OC90: variants seen among roughly 807,000 people sequenced by gnomAD.
OC90 encodes otoconin-90.
In OC90, 46 loss-of-function variants were observed where a neutral mutation model predicts 47.3. The observed-to-expected ratio is 0.97, with a 90% CI of 0.77 to 1.24. The LOEUF is 1.24. Among genes scored for constraint, OC90 ranks in the 50% most tolerant of loss-of-function variants. OC90 has a pLI of 0.00. For missense variants in OC90, 688 were observed against 583.9 expected (o/e 1.18, Z -1.84); for synonymous variants, 271 against 219.5 (o/e 1.23, Z -2.07).
At position 132,041,130 on chromosome 8, in the gene OC90, T is replaced by C. The variant is rs116946543; in HGVS notation, c.371A>G (p.Tyr124Cys). Residue 124 changes from tyrosine to cysteine, a missense_variant, in exon 6 of 14, where the codon TAT becomes TGT. Coordinates refer to ENST00000254627, the MANE Select transcript of OC90 (RefSeq NM_001080399.3). ...ACAGTCCATCTCAGCGGCCTCCTCA[T>C]AGCACCTGCGGTGCTGGAAGCAGCA... ...DSCCFQHRRC[Y>C]EEAAEMDCLQ... 459 of 1,613,602 alleles carry C rather than the reference T, an allele frequency of 2.8e-4. No individual in the cohort carries two copies. Among genetic ancestry groups the C allele is most frequent in the Admixed American group, 4.0e-4 (24 of 60,028 alleles).
chr8:132,038,991 C>T lies in OC90; in HGVS notation c.586+4G>A. The T allele has an allele frequency of 1.2e-6, 2 of 1,613,956 alleles. No individual in the cohort carries two copies. Among genetic ancestry groups the T allele is most frequent in the Non-Finnish European group, 1.7e-6 (2 of 1,179,860 alleles). On this transcript the variant is annotated splice_donor_region_variant and intron_variant, in intron 7 of 13. Coordinates refer to ENST00000254627, the MANE Select transcript of OC90 (RefSeq NM_001080399.3). ...CACGGCTGATGCAGCCAGGTTCTTC[C>T]TACCTGGAGTCTGAGCCAGGCAGAA...
At chr8:132,050,093 T>C (rs1280928046) in intron 2 of OC90, among the ~76,000 whole-genome samples, 9 of 152,200 alleles carry the variant, frequency 5.9e-5, no homozygotes, top group Non-Finnish European at 4.4e-5. Context: ...AAGCCTCATT[T>C]TTCTGTTGGA....
At chr8:132,038,189 T>G (rs1458457945) in intron 8 of OC90, among the ~76,000 whole-genome samples, 1 of 152,150 alleles carries the variant, frequency 6.6e-6, no homozygotes, top group Non-Finnish European at 1.5e-5. Context: ...TTTGGCAAGA[T>G]CTATATTTTA....
chr8:132,035,926 C>T (rs974094767), intron 9 of OC90, among the ~76,000 whole-genome samples: 1 of 152,256 alleles, frequency 6.6e-6, no homozygotes, highest in East Asian at 1.9e-4. Context: ...GATCACTGCT[C>T]GTTAACCAAA....
At chr8:132,044,753 G>C (rs990459956) in intron 3 of OC90, among the ~76,000 whole-genome samples, 1 of 152,170 alleles carries the variant, frequency 6.6e-6, no homozygotes, top group Non-Finnish European at 1.5e-5. Context: ...CAGGAATTAT[G>C]GGTGAACTAT....
chr8:132,043,597 T>C (rs1823086427), intron 4 of OC90, among the ~76,000 whole-genome samples: 1 of 152,180 alleles, frequency 6.6e-6, no homozygotes, highest in Admixed American at 6.5e-5. Context: ...AAGACGGAGC[T>C]TAAGGGCATC....
chr8:132,057,758 C>T (rs764635285), intron 1 of OC90, among the ~76,000 whole-genome samples: 2 of 152,256 alleles, frequency 1.3e-5, no homozygotes, highest in Non-Finnish European at 2.9e-5. Flanking sequence ...AGGTGTTCCA[C>T]TGAGCATGCC....
chr8:132,025,758 C>T (rs1173606105), intron 13 of OC90, among the ~76,000 whole-genome samples: 1 of 152,190 alleles, frequency 6.6e-6, no homozygotes, highest in Non-Finnish European at 1.5e-5. Flanking sequence ...GTACTTCTGT[C>T]TCTTGGCTGA....
intron 12 of OC90, among the ~76,000 whole-genome samples, chr8:132,031,388 A>G (rs560657937): frequency 6.6e-4 from 100 of 152,368 alleles, no homozygotes; most frequent in African/African-American, 2.3e-3. Context: ...AATTCTTTCA[A>G]GAGTGGTACA....
chr8:132,028,929 G>T, intron 13 of OC90, 144 bp downstream of exon 13: 1 of 265,442 alleles, frequency 3.8e-6, no homozygotes, highest in South Asian at 5.5e-5. Context: ...AGGAAGGAAG[G>T]GAAGGAAGGA....
At chr8:132,028,865 G>A (rs1185305267) in intron 13 of OC90, among the ~76,000 whole-genome samples, 1 of 132,910 alleles carries the variant, frequency 7.5e-6, no homozygotes, top group Non-Finnish European at 1.6e-5. Context: ...GAGGAAGGAA[G>A]GAAGGGAAGG....
intron 6 of OC90, 147 bp from the exon 7 acceptor site, chr8:132,039,270 C>A: frequency 1.1e-6 from 1 of 884,776 alleles, no homozygotes; most frequent in East Asian, 2.6e-5. Flanking sequence ...CAGCTCTTAT[C>A]TCTTTAGGGG....
chr8:132,047,498 C>T (rs1253064399), intron 2 of OC90, among the ~76,000 whole-genome samples: 1 of 151,628 alleles, frequency 6.6e-6, no homozygotes, highest in Non-Finnish European at 1.5e-5. Flanking sequence ...ATTTACTGTC[C>T]AATTGTAAAA....
intron 13 of OC90, among the ~76,000 whole-genome samples, chr8:132,028,563 AAAGG>A (rs869234363): frequency 1.3e-3 from 40 of 31,372 alleles, no homozygotes; most frequent in African/African-American, 4.1e-3. Flanking sequence ...AGAAAGAAAG[AAAGG>A]AAGGAAGGAA....
At chr8:132,042,384 A>C (rs1205683273) in intron 4 of OC90, among the ~76,000 whole-genome samples, 1 of 152,154 alleles carries the variant, frequency 6.6e-6, no homozygotes, top group African/African-American at 2.4e-5. Context: ...TTTTTTAAAA[A>C]AATCAACTTC....
rs1271329822 is a variant in OC90, at chr8:132,045,831, G to C, written c.99C>G (p.Leu33=). The C allele has an allele frequency of 1.3e-6, 2 of 1,540,128 alleles. No homozygotes were observed. Among genetic ancestry groups the C allele is most frequent in the South Asian group, 1.2e-5 (1 of 83,828 alleles). The change falls in exon 3 of 14, where the codon CTC becomes CTG. Residue 33 remains leucine (L), a synonymous_variant. Coordinates refer to ENST00000254627, the MANE Select transcript of OC90 (RefSeq NM_001080399.3). The part of the protein sequence containing the change: ...PHLPQELPPG[L]PNNINITFFS... ...AAGAATCCTTACTGATATTGTTTGG[G>C]AGTCCTGGAGGCAGCTCCTGTGGAA...
intron 12 of OC90, among the ~76,000 whole-genome samples, chr8:132,030,924 T>C (rs1253156946): frequency 1.3e-5 from 2 of 152,268 alleles, no homozygotes; most frequent in Non-Finnish European, 2.9e-5. Context: ...GTGTTAGCTA[T>C]GACAAGCTTT....
chr8:132,026,450 G>A, intron 13 of OC90, among the ~76,000 whole-genome samples: 1 of 152,186 alleles, frequency 6.6e-6, no homozygotes, highest in South Asian at 2.1e-4. Flanking sequence ...AAGAAGAGGA[G>A]GAAAATGTAC....
In OC90 at chr8:132,045,958, C is replaced by T. The variant is rs559356172; in HGVS notation, c.47-75G>A. ...CACTTGCTGGACTAAGGCCAGAAGGCGACAGCCAGACAAACAATGGGAATT... is the reference window on the plus strand; with the variant it reads ...CACTTGCTGGACTAAGGCCAGAAGGTGACAGCCAGACAAACAATGGGAATT... On this transcript the variant is annotated intron_variant, in intron 2 of 13. Coordinates refer to ENST00000254627, the MANE Select transcript of OC90 (RefSeq NM_001080399.3). The T allele has an allele frequency of 2.2e-4, 176 of 804,542 alleles. 1 individual carries two copies. In the Middle Eastern group the frequency reaches 5.3e-3, roughly 24 times the overall value. 49.8% of individuals were successfully genotyped at this position (804,542 alleles called of 1,614,324 possible).
Sources: gnomAD v4.1 joint callset for allele counts (sites outside exome capture counted in the v4.1 genomes callset) on GRCh38, gnomAD v4.1.1 for gene constraint, MANE v1.5 for transcripts, NCBI Gene and HGNC (gene_info 2026-07-23, HGNC 2026-07-21) for gene names.